The following CLSTN2 variants were observed in gnomAD, a reference collection of about 807,000 sequenced individuals.
The protein encoded by CLSTN2 is calsyntenin 2.
Under a neutral mutation model 101.2 loss-of-function variants are expected in CLSTN2, and 48 were observed. The observed-to-expected ratio is 0.47, with a 90% CI of 0.38 to 0.60. The LOEUF (loss-of-function observed/expected upper bound fraction) is 0.60, where lower values mean the gene tolerates loss of function less well. Ranked by LOEUF, CLSTN2 falls within the 20% of genes least tolerant of loss-of-function variation. CLSTN2 has a pLI of 0.00. For synonymous variants in CLSTN2, 481 were observed against 463.6 expected (o/e 1.04, Z -0.48); for missense variants, 1,160 against 1,238.2 (o/e 0.94, Z 0.95).
At chr3:140,420,879 G>C (rs142062119) in intron 4 of CLSTN2, among the ~76,000 whole-genome samples, 217 of 123,628 alleles carry the variant, frequency 1.8e-3, no homozygotes, top group African/African-American at 8.4e-3. Context: ...GCGTGTGCTC[G>C]AAATTCCCTG....
chr3:140,367,586 C>T (rs145639880), intron 2 of CLSTN2, among the ~76,000 whole-genome samples: 1 of 149,454 alleles, frequency 6.7e-6, no homozygotes, highest in East Asian at 2.0e-4. Context: ...TTGACTATTA[C>T]AGAACTAGAA....
intron 9 of CLSTN2, among the ~76,000 whole-genome samples, chr3:140,546,097 C>T (rs373142746): frequency 8.7e-4 from 133 of 152,294 alleles, no homozygotes; most frequent in Middle Eastern, 3.4e-3. Context: ...GTTTTTGAGT[C>T]TCAGGGCTCT....
chr3:139,974,950 G>A (rs766507134), intron 1 of CLSTN2, among the ~76,000 whole-genome samples: 14 of 152,118 alleles, frequency 9.2e-5, no homozygotes, highest in Non-Finnish European at 8.8e-5. Context: ...AAGATTACAG[G>A]GCTCTAAGGG....
chr3:140,213,980 G>A (rs926943859), intron 2 of CLSTN2, among the ~76,000 whole-genome samples: 2 of 152,118 alleles, frequency 1.3e-5, no homozygotes, highest in African/African-American at 4.8e-5. Context: ...TTCTATCCTT[G>A]AGCTAATCCA....
At chr3:140,439,980 A>T (rs138726863) in intron 5 of CLSTN2, among the ~76,000 whole-genome samples, 1 of 152,318 alleles carries the variant, frequency 6.6e-6, no homozygotes, top group East Asian at 1.9e-4. Flanking sequence ...TTTGTTGGGC[A>T]ACTTTTATGT....
chr3:140,076,048 C>A (rs1206508841), intron 1 of CLSTN2, among the ~76,000 whole-genome samples: 1 of 152,122 alleles, frequency 6.6e-6, no homozygotes, highest in East Asian at 1.9e-4. Context: ...AACTTTACAC[C>A]TCTTACAGCC....
chr3:140,306,848 T>TTATTATTA (rs2087118469), intron 2 of CLSTN2, among the ~76,000 whole-genome samples: 10 of 141,968 alleles, frequency 7.0e-5, no homozygotes, highest in Non-Finnish European at 1.2e-4. Context: ...TTTTTGTCTT[T>TTATTATTA]TTATTATTAT....
intron 1 of CLSTN2, among the ~76,000 whole-genome samples, chr3:140,048,702 G>A (rs74626885): frequency 0.036 from 5,470 of 152,210 alleles, 331 homozygotes; most frequent in African/African-American, 0.12. Context: ...TTCCTTACTG[G>A]GGGGAGTGGG....
chr3:140,182,680 A>G (rs2010428278), intron 2 of CLSTN2, among the ~76,000 whole-genome samples: 1 of 152,318 alleles, frequency 6.6e-6, no homozygotes, highest in Non-Finnish European at 1.5e-5. Context: ...CCCTCCCTGC[A>G]GAAAATCAGC....
chr3:140,463,653 C>T (rs1933617763), intron 7 of CLSTN2, among the ~76,000 whole-genome samples: 1 of 152,158 alleles, frequency 6.6e-6, no homozygotes, highest in Non-Finnish European at 1.5e-5. Context: ...AAGCTTGGCC[C>T]TGATTCTTGC....
At chr3:139,970,287 G>A (rs1460382961) in intron 1 of CLSTN2, among the ~76,000 whole-genome samples, 1 of 152,140 alleles carries the variant, frequency 6.6e-6, no homozygotes, top group East Asian at 1.9e-4. Flanking sequence ...AGGGTTCCTG[G>A]CACCATGTGA....
intron 2 of CLSTN2, among the ~76,000 whole-genome samples, chr3:140,398,059 C>T (rs563808443): frequency 6.8e-6 from 1 of 148,098 alleles, no homozygotes; most frequent in South Asian, 2.2e-4. Flanking sequence ...CTTGGTGGGA[C>T]AGGCTTACTT....
At chr3:140,517,282 G>A (rs1003816186) in intron 8 of CLSTN2, among the ~76,000 whole-genome samples, 6 of 152,122 alleles carry the variant, frequency 3.9e-5, no homozygotes, top group Non-Finnish European at 8.8e-5. Context: ...TCCTTGATTA[G>A]CTTAATAATT....
intron 8 of CLSTN2, among the ~76,000 whole-genome samples, chr3:140,511,153 A>G (rs1168012340): frequency 6.6e-6 from 1 of 152,174 alleles, no homozygotes; most frequent in Non-Finnish European, 1.5e-5. Context: ...CCTAAGGATA[A>G]TTAATGGCTT....
chr3:140,205,836 A>C (rs1022931487), intron 2 of CLSTN2, among the ~76,000 whole-genome samples: 1 of 152,068 alleles, frequency 6.6e-6, no homozygotes, highest in Non-Finnish European at 1.5e-5. Flanking sequence ...GCCATGACTC[A>C]TGAAGCTCCA....
At position 140,566,596 on chromosome 3, in the gene CLSTN2, C is replaced by T. The variant is rs1936032395; in HGVS notation, c.*343C>T. On this transcript the variant is annotated 3_prime_UTR_variant, in exon 17 of 17. Coordinates refer to ENST00000458420, the MANE Select transcript of CLSTN2 (RefSeq NM_022131.3). The stretch of plus-strand genomic sequence containing the variant: ...GGCCCACCTTTGTGTCACTCACCTC[C>T]CCAGGCTCAGAGTCCCCAAGGCCCT... 5 of 321,196 alleles carry T rather than the reference C, an allele frequency of 1.6e-5. No homozygotes were observed. The South Asian group carries it at 1.9e-4, about 12-fold the overall frequency. 19.9% of individuals were successfully genotyped at this position (321,196 alleles called of 1,614,324 possible). A position where few individuals can be genotyped will look rare whatever the true frequency, so the allele number is the denominator to read the frequency against.
chr3:140,517,711 T>C (rs562556036), intron 8 of CLSTN2, among the ~76,000 whole-genome samples: 1 of 152,324 alleles, frequency 6.6e-6, no homozygotes, highest in South Asian at 2.1e-4. Context: ...GTATCTGCTC[T>C]GGTGGAGGTG....
At chr3:140,016,325 T>A (rs2007200052) in intron 1 of CLSTN2, among the ~76,000 whole-genome samples, 1 of 152,206 alleles carries the variant, frequency 6.6e-6, no homozygotes, top group South Asian at 2.1e-4. Flanking sequence ...GGAGTGGTTA[T>A]ACATTCAATT....
chr3:140,295,667 C>A (rs1478806070), intron 2 of CLSTN2, among the ~76,000 whole-genome samples: 1 of 152,056 alleles, frequency 6.6e-6, no homozygotes, highest in Admixed American at 6.6e-5. Flanking sequence ...ACATATATCA[C>A]TTAGAGATAA....
Sources: allele counts gnomAD v4.1 joint callset (sites outside exome capture counted in the v4.1 genomes callset), GRCh38; gene constraint gnomAD v4.1.1; transcripts MANE v1.5; gene names NCBI Gene and HGNC (gene_info 2026-07-23, HGNC 2026-07-21).